SYTL5: variants seen among roughly 807,000 people sequenced by gnomAD.
SYTL5 encodes the protein synaptotagmin-like protein 5.
A neutral mutation model predicts 55.9 loss-of-function variants in SYTL5; 34 were observed. The ratio of observed to expected loss-of-function variants is 0.61; its 90% confidence interval spans 0.46 to 0.81. The LOEUF is 0.81. Ranked by LOEUF, SYTL5 falls within the 30% of genes least tolerant of loss-of-function variation. The pLI is 0.00. For synonymous variants in SYTL5, 221 were observed against 188.7 expected (o/e 1.17, Z -1.40); for missense variants, 637 against 546.7 (o/e 1.17, Z -1.65).
intron 2 of SYTL5, among the ~76,000 whole-genome samples, chrX:38,041,802 T>A (rs1255159284): frequency 1.8e-5 from 2 of 112,188 alleles, no homozygotes; most frequent in Non-Finnish European, 3.8e-5. Context: ...ATAAATAAAC[T>A]TGCCAGATCA....
chrX:38,125,980 G>A (rs183443796), intron 16 of SYTL5, among the ~76,000 whole-genome samples: 48 of 111,770 alleles, frequency 4.3e-4, no homozygotes, highest in Non-Finnish European at 7.7e-4. Flanking sequence ...AATAACACCA[G>A]TATTGTTAAA....
chrX:38,079,347 A>G (rs1602375195), intron 6 of SYTL5, among the ~76,000 whole-genome samples: 1 of 112,067 alleles, frequency 8.9e-6, no homozygotes, highest in African/African-American at 3.2e-5. Context: ...TCTTTTCAGT[A>G]GTTTCAAAGC....
chrX:38,075,458 T>C (rs1477160057), intron 5 of SYTL5, among the ~76,000 whole-genome samples: 1 of 111,170 alleles, frequency 9.0e-6, no homozygotes, highest in African/African-American at 3.3e-5. Flanking sequence ...TAAGTGCCAG[T>C]TGAGTATAGG....
chrX:38,076,641 A>G lies in SYTL5; in HGVS notation c.629A>G (p.Tyr210Cys), dbSNP rs1337812135. 11 of 1,210,820 alleles carry G rather than the reference A, an allele frequency of 9.1e-6. No individual in the cohort carries two copies. In the South Asian group the frequency reaches 1.9e-4, roughly 21 times the overall value. Reference protein sequence around the residue: ...ITPKTDTGRSYSLDLDGQHFR... With the variant: ...ITPKTDTGRSCSLDLDGQHFR... ...CCCAAAACTGACACTGGGCGGAGCT[A>G]TAGCTTGGACTTAGACGGTCAACAT... The change falls in exon 6 of 17, where the codon TAT (tyrosine) becomes TGT (cysteine). Residue 210 changes from tyrosine to cysteine, a missense_variant. By Grantham distance (194) the Tyr-to-Cys change is radical. Coordinates refer to ENST00000297875, the MANE Select transcript of SYTL5 (RefSeq NM_138780.3).
At chrX:37,952,868 T>C in the SYTL5 span, among the ~76,000 whole-genome samples, 2 of 111,039 alleles carry the variant, frequency 1.8e-5, no homozygotes, top group African/African-American at 6.6e-5. Context: ...GGCTTCCAAT[T>C]TGACTGACTG....
intron 10 of SYTL5, among the ~76,000 whole-genome samples, chrX:38,103,786 A>C (rs1937140598): frequency 9.0e-6 from 1 of 110,979 alleles, no homozygotes; most frequent in African/African-American, 3.3e-5. Flanking sequence ...AAAAGCCCCT[A>C]ATGTCTCAGT....
chrX:38,078,907 A>G (rs1284480167), intron 6 of SYTL5, among the ~76,000 whole-genome samples: 1 of 112,489 alleles, frequency 8.9e-6, no homozygotes, highest in African/African-American at 3.2e-5. Flanking sequence ...AGTCAGAAGT[A>G]GCCAGGAGTG....
the SYTL5 span, among the ~76,000 whole-genome samples, chrX:37,910,602 C>A: frequency 1.3e-4 from 15 of 112,478 alleles, no homozygotes; most frequent in Admixed American, 1.3e-3. Flanking sequence ...TGAGATTCTG[C>A]AGTTCTAACA....
rs1311327878 is a variant in SYTL5, at chrX:38,033,714, A to G, written c.-176A>G. On this transcript the variant is annotated 5_prime_UTR_variant, in exon 2 of 17. Coordinates refer to ENST00000297875, the MANE Select transcript of SYTL5 (RefSeq NM_138780.3). ...AATCCCAGTGGAGGCTGTTCTACGT[A>G]TAGCCTGAAAGAATACTTAACTACC... 3 of 305,187 alleles carry G rather than the reference A, an allele frequency of 9.8e-6. No individual in the cohort carries two copies. The highest frequency in any genetic ancestry group is 8.0e-5 in the African/African-American group (3 of 37,402). 25.2% of individuals were successfully genotyped at this position (305,187 alleles called of 1,213,427 possible).
intron 2 of SYTL5, among the ~76,000 whole-genome samples, chrX:38,050,059 T>A (rs754512265): frequency 4.0e-4 from 45 of 111,936 alleles, no homozygotes; most frequent in Non-Finnish European, 7.7e-4. Context: ...GCTTGCTCAT[T>A]ATCTCCCTTA....
chrX:38,103,115 T>G, intron 10 of SYTL5: 3 of 1,089,803 alleles, frequency 2.8e-6, no homozygotes, highest in Non-Finnish European at 3.7e-6. Flanking sequence ...CTTTCCTTTT[T>G]GTTCTTTCCA....
At chrX:38,037,438 G>A (rs1355464496) in intron 2 of SYTL5, among the ~76,000 whole-genome samples, 5 of 112,138 alleles carry the variant, frequency 4.5e-5, no homozygotes, top group Admixed American at 3.8e-4. Flanking sequence ...TATTACCAAA[G>A]CTATTACTAT....
chrX:38,042,337 C>T (rs1476715330), intron 2 of SYTL5, among the ~76,000 whole-genome samples: 2 of 110,621 alleles, frequency 1.8e-5, no homozygotes, highest in African/African-American at 6.6e-5. Flanking sequence ...TAAAGTTGGC[C>T]TTGTGGAACT....
At chrX:38,107,459 C>T (rs976869417) in intron 11 of SYTL5, among the ~76,000 whole-genome samples, 1 of 111,537 alleles carries the variant, frequency 9.0e-6, no homozygotes, top group Non-Finnish European at 1.9e-5. Context: ...GCCAAGGAAG[C>T]GTGTTAGAAA....
chrX:37,957,101 G>A, the SYTL5 span, among the ~76,000 whole-genome samples: 2 of 98,801 alleles, frequency 2.0e-5, no homozygotes, highest in South Asian at 8.5e-4. Flanking sequence ...GAGAAACGTC[G>A]ATTCACAGTT....
rs146666258 is a variant in SYTL5 at position 38,011,910 on chromosome X, T to C, written c.-357+5242T>C. ...TTTTTTTTTACTTTTCTCTAAGCGT[T>C]AGCTACAAAAATAACTTAATAGGCT... On this transcript the variant is annotated intron_variant, in intron 1 of 16. Coordinates refer to ENST00000297875, the MANE Select transcript of SYTL5 (RefSeq NM_138780.3). 9.2e-3 allele frequency among the ~76,000 whole-genome samples: 1,023 copies of C among 111,374 alleles called. 14 individuals carry two copies. The highest frequency in any genetic ancestry group is 0.032 in the African/African-American group (977 of 30,649).
At chrX:38,081,745 C>T (rs1402620725) in intron 6 of SYTL5, among the ~76,000 whole-genome samples, 1 of 111,661 alleles carries the variant, frequency 9.0e-6, no homozygotes, top group Admixed American at 9.5e-5. Flanking sequence ...CAGAGTTATC[C>T]AGTTAAGAGA....
chrX:37,989,205 A>G, the SYTL5 span, among the ~76,000 whole-genome samples: 33 of 111,858 alleles, frequency 3.0e-4, no homozygotes, highest in African/African-American at 1.1e-3. Flanking sequence ...GCTTCTCAGA[A>G]TAAGCAAGGA....
At chrX:37,985,732 TA>T in the SYTL5 span, among the ~76,000 whole-genome samples, 1 of 111,204 alleles carries the variant, frequency 9.0e-6, no homozygotes, top group African/African-American at 3.3e-5. Flanking sequence ...AAAAAAATAT[TA>T]AAAAACAAAA....
Sources: allele counts gnomAD v4.1 joint callset (sites outside exome capture counted in the v4.1 genomes callset), GRCh38; gene constraint gnomAD v4.1.1; transcripts MANE v1.5; gene names NCBI Gene and HGNC (gene_info 2026-07-23, HGNC 2026-07-21).